SHOX: variants seen among roughly 807,000 people sequenced by gnomAD.
The protein encoded by SHOX is SHOX homeobox.
A neutral mutation model predicts 29.6 loss-of-function variants in SHOX; 12 were observed. The observed-to-expected ratio is 0.41, with a 90% CI of 0.26 to 0.66. SHOX has a LOEUF of 0.66. Among genes scored for constraint, SHOX ranks in the 30% least tolerant of loss-of-function variants. The probability of loss-of-function intolerance (pLI) is 0.35; values close to 1 mark genes in which losing one functional copy is unlikely to be tolerated. For synonymous variants in SHOX, 214 were observed against 200.6 expected (o/e 1.07, Z -0.57); for missense variants, 499 against 437.7 (o/e 1.14, Z -1.25).
At chrX:654,523 A>G (rs73607287), downstream of SHOX, among the ~76,000 whole-genome samples, 2,095 of 152,214 alleles carry the variant, frequency 0.014, 46 homozygotes, top group African/African-American at 0.048. Flanking sequence ...AAAATTGAAT[A>G]AATCATTGTT....
chrX:655,570 C>A, downstream of SHOX, among the ~76,000 whole-genome samples: 1 of 74,808 alleles, frequency 1.3e-5, no homozygotes. Flanking sequence ...CTCTCTCTGT[C>A]TCTCTCTCTC....
chrX:645,007 A>T lies in SHOX; in HGVS notation c.*371A>T, dbSNP rs1440296850. 3 of 234,780 alleles carry T rather than the reference A, an allele frequency of 1.3e-5. No homozygotes were observed. The highest frequency in any genetic ancestry group is 6.8e-5 in the African/African-American group (3 of 44,408). The allele number at this position is 234,780 out of a possible 1,614,324, so 14.5% of individuals were successfully genotyped here. On this transcript the variant is annotated 3_prime_UTR_variant, in exon 5 of 5. Transcript: ENST00000686671. ...CACGTTTGGAAGATCCTTAGAGTCT[A>T]TTGAAACTGCAAAGATCCCGGAGCT...
chrX:652,416 A>G (rs2053080273), downstream of SHOX, among the ~76,000 whole-genome samples: 1 of 140,506 alleles, frequency 7.1e-6, no homozygotes, highest in African/African-American at 2.7e-5. Flanking sequence ...GGCCGGCCTG[A>G]CTGCTTCCCG....
chrX:644,415 G>A lies in SHOX; in HGVS notation c.658G>A (p.Gly220Ser). The stretch of plus-strand genomic sequence containing the variant: ...GGTCCAGGCTCAGCTGCAGCTGGAA[G>A]GCGTGGCCCACGCGCACCCGCACCT... ...QQVQAQLQLE[G>S]VAHAHPHLHP... Residue 220 changes from glycine to serine, a missense_variant, in exon 5 of 5, where the codon GGC becomes AGC. Gly to Ser is a moderately conservative substitution (Grantham distance 56). Coordinates refer to ENST00000686671, the MANE Select transcript of SHOX (RefSeq NM_000451.4). The A allele has an allele frequency of 6.6e-7, 1 of 1,522,118 alleles. No individual in the cohort carries two copies. Among genetic ancestry groups the A allele is most frequent in the Non-Finnish European group, 8.8e-7 (1 of 1,142,494 alleles). 94.3% of individuals were successfully genotyped at this position (1,522,118 alleles called of 1,614,324 possible). A position where few individuals can be genotyped will look rare whatever the true frequency, so the allele number is the denominator to read the frequency against.
upstream of SHOX, chrX:630,515 C>T (rs1231498820): frequency 2.7e-6 from 1 of 370,354 alleles, no homozygotes; most frequent in East Asian, 5.9e-5. Flanking sequence ...CGCGGGTAAC[C>T]TGTGTGGGGG....
rs1220238892 is a variant in SHOX at position 649,256 on chromosome X, C to T, written c.*4620C>T. Among the ~76,000 whole-genome samples, 4 of 152,148 alleles carry T rather than the reference C, an allele frequency of 2.6e-5. No individual in the cohort carries two copies. The highest frequency in any genetic ancestry group is 5.9e-5 in the Non-Finnish European group (4 of 68,006). On this transcript the variant is annotated 3_prime_UTR_variant, in exon 5 of 5. Coordinates refer to ENST00000686671, the MANE Select transcript of SHOX (RefSeq NM_000451.4). ...GTTTCGCCATGTTGGCCAGGCTGGTCTTGAACTCCTGACCTCACATGATCC... is the reference window on the plus strand; with the variant it reads ...GTTTCGCCATGTTGGCCAGGCTGGTTTTGAACTCCTGACCTCACATGATCC...
At chrX:639,115 GA>G (rs1200737517) in intron 2 of SHOX, among the ~76,000 whole-genome samples, 6 of 152,202 alleles carry the variant, frequency 3.9e-5, no homozygotes, top group Admixed American at 6.5e-5. Flanking sequence ...TAGGAGGTGA[GA>G]GGGGGTGGAA....
intron 2 of SHOX, among the ~76,000 whole-genome samples, chrX:635,239 G>T (rs747865006): frequency 6.6e-6 from 1 of 152,090 alleles, no homozygotes; most frequent in South Asian, 2.1e-4. Flanking sequence ...ACTTTCCCTG[G>T]ATTATACTTA....
chrX:658,235 A>G (rs2053174428), intron 5 of SHOX, among the ~76,000 whole-genome samples: 1 of 152,022 alleles, frequency 6.6e-6, no homozygotes, highest in Admixed American at 6.6e-5. Flanking sequence ...TCGGCCTCCC[A>G]AAGTGCTGGG....
chrX:657,317 T>TTAAACA (rs1438652767), intron 5 of SHOX, among the ~76,000 whole-genome samples: 3 of 152,218 alleles, frequency 2.0e-5, no homozygotes, highest in Non-Finnish European at 4.4e-5. Flanking sequence ...ATTTACTCAC[T>TTAAACA]GATGCCTGTT....
At chrX:643,501 GA>G in intron 4 of SHOX, among the ~76,000 whole-genome samples, 1 of 143,934 alleles carries the variant, frequency 6.9e-6, no homozygotes, top group Non-Finnish European at 1.5e-5. Flanking sequence ...GGGACCTGGT[GA>G]CCTTGGAGAG....
At chrX:634,850 G>A in intron 2 of SHOX, 24 bp downstream of exon 2, 1 of 1,547,646 alleles carries the variant, frequency 6.5e-7, no homozygotes, top group Non-Finnish European at 8.7e-7. Context: ...GGCGGGGGCG[G>A]GGGGCCCGGA....
rs1281051818 is a variant in SHOX, at chrX:648,759, C to T, written c.*4123C>T. 6.6e-6 allele frequency among the ~76,000 whole-genome samples: 1 copy of T among 151,958 alleles called. No individual in the cohort carries two copies. Among genetic ancestry groups the T allele is most frequent in the Non-Finnish European group, 1.5e-5 (1 of 67,996 alleles). Reference sequence around the variant, plus strand: ...ACTTTCTGTAGGTGGATGAGTGATCCCTGAATGAGTGTGGGGTACGTGTAT... The same window carrying T: ...ACTTTCTGTAGGTGGATGAGTGATCTCTGAATGAGTGTGGGGTACGTGTAT... On this transcript the variant is annotated 3_prime_UTR_variant, in exon 5 of 5. Transcript: ENST00000686671.
rs2052936816 is a variant in SHOX at position 644,869 on chromosome X, G to T, written c.*233G>T. 1.9e-6 allele frequency: 1 copy of T among 540,166 alleles called. No individual in the cohort carries two copies. Among genetic ancestry groups the T allele is most frequent in the African/African-American group, 2.0e-5 (1 of 49,704 alleles). The allele number at this position is 540,166 out of a possible 1,614,324, so 33.5% of individuals were successfully genotyped here. A position where few individuals can be genotyped will look rare whatever the true frequency, so the allele number is the denominator to read the frequency against. Reference sequence around the variant, plus strand: ...AGGCGGAGCGGGTGAGCGGCCGTGCGTCCAGCCCGGGCCTCTCCAAGGCTG... The same window carrying T: ...AGGCGGAGCGGGTGAGCGGCCGTGCTTCCAGCCCGGGCCTCTCCAAGGCTG... On this transcript the variant is annotated 3_prime_UTR_variant, in exon 5 of 5. Coordinates refer to ENST00000686671, the MANE Select transcript of SHOX (RefSeq NM_000451.4).
At chrX:641,646 C>G (rs1026328069) in intron 4 of SHOX, among the ~76,000 whole-genome samples, 1 of 148,944 alleles carries the variant, frequency 6.7e-6, no homozygotes, top group Non-Finnish European at 1.5e-5. Flanking sequence ...CGCCACTGCA[C>G]TCCACTCTGG....
At chrX:632,065 C>A (rs2052660909) in intron 1 of SHOX, 1 of 449,940 alleles carries the variant, frequency 2.2e-6, no homozygotes, top group Admixed American at 2.4e-5. Flanking sequence ...CATTGTTTTC[C>A]TTTGAACGTC....
intron 2 of SHOX, among the ~76,000 whole-genome samples, chrX:636,102 G>C (rs1425171641): frequency 6.6e-6 from 1 of 151,328 alleles, no homozygotes; most frequent in African/African-American, 2.4e-5. Flanking sequence ...TTGATCCAAA[G>C]TGTGTTACAT....
chrX:624,450 T>C (rs1435956212), exon 1 of SHOX: 2 of 150,610 alleles, frequency 1.3e-5, no homozygotes, highest in Non-Finnish European at 2.9e-5. Context: ...CAAACAGAAA[T>C]GGGAGGGTGG....
rs1035989182 is a variant in SHOX at position 646,063 on chromosome X, A to C, written c.*1427A>C. 3.3e-5 allele frequency: 5 copies of C among 151,958 alleles called. No homozygotes were observed. The highest frequency in any genetic ancestry group is 1.2e-4 in the African/African-American group (5 of 41,422). The allele number at this position is 151,958 out of a possible 1,614,324, so 9.4% of individuals were successfully genotyped here. On this transcript the variant is annotated 3_prime_UTR_variant, in exon 5 of 5. Transcript: ENST00000686671. Reference sequence around the variant, plus strand: ...AGGCACCTGCCACCACCCCCGGCTAATTTTTTGTATTTATAGTAGAGACGG... The same window carrying C: ...AGGCACCTGCCACCACCCCCGGCTACTTTTTTGTATTTATAGTAGAGACGG...
Sources: allele counts gnomAD v4.1 joint callset (sites outside exome capture counted in the v4.1 genomes callset), GRCh38; gene constraint gnomAD v4.1.1; transcripts MANE v1.5; gene names NCBI Gene and HGNC (gene_info 2026-07-23, HGNC 2026-07-21).